The following KATNAL1 variants were observed in gnomAD, a reference collection of about 807,000 sequenced individuals.
KATNAL1 encodes katanin catalytic subunit A1 like 1.
A neutral mutation model predicts 55.2 loss-of-function variants in KATNAL1; 32 were observed. The ratio of observed to expected loss-of-function variants is 0.58; its 90% CI spans 0.44 to 0.78. The LOEUF (loss-of-function observed/expected upper bound fraction) is 0.78, where lower values mean the gene tolerates loss of function less well. Among genes scored for constraint, KATNAL1 ranks in the 30% least tolerant of loss-of-function variants. The pLI, the probability that KATNAL1 is intolerant of heterozygous loss-of-function variation, is 0.00. For missense variants in KATNAL1, 466 were observed against 600.9 expected (o/e 0.78, Z 2.35); for synonymous variants, 193 against 193.6 (o/e 1.00, Z 0.02).
chr13:30,234,731 A>C (rs1485486880), intron 6 of KATNAL1, among the ~76,000 whole-genome samples: 1 of 152,124 alleles, frequency 6.6e-6, no homozygotes, highest in Non-Finnish European at 1.5e-5. Context: ...ACTGAAACAC[A>C]TTTTGTTTCT....
intron 6 of KATNAL1, among the ~76,000 whole-genome samples, chr13:30,232,324 T>C (rs1363115416): frequency 6.6e-6 from 1 of 152,206 alleles, no homozygotes; most frequent in African/African-American, 2.4e-5. Flanking sequence ...ATTGCTACTT[T>C]GGTTTGACAA....
intron 9 of KATNAL1, among the ~76,000 whole-genome samples, chr13:30,220,886 G>C (rs1248116974): frequency 6.6e-6 from 1 of 151,344 alleles, no homozygotes; most frequent in Non-Finnish European, 1.5e-5. Context: ...GTTTAATAGA[G>C]ACAGGGTTTC....
In KATNAL1 at chr13:30,209,839, T is replaced by C. The variant is rs573724378; in HGVS notation, c.1274+477A>G. On this transcript the variant is annotated intron_variant, in intron 10 of 10. Transcript: ENST00000380615. ...CTCTGTTGCCCAGGTTGGAGTGCAG[T>C]GGCGCGATCTCGGCTCACTGCAAGC... 3.9e-5 allele frequency among the ~76,000 whole-genome samples: 6 copies of C among 152,312 alleles called. No individual in the cohort carries two copies. In the East Asian group the frequency reaches 5.8e-4, roughly 15 times the overall value.
intron 3 of KATNAL1, among the ~76,000 whole-genome samples, chr13:30,271,383 C>A (rs1224777814): frequency 2.0e-5 from 3 of 152,114 alleles, no homozygotes; most frequent in African/African-American, 4.8e-5. Flanking sequence ...GTTCACAGTT[C>A]AGCAGGCTGT....
At chr13:30,235,368 GA>G (rs1876546612) in intron 6 of KATNAL1, among the ~76,000 whole-genome samples, 1 of 152,128 alleles carries the variant, frequency 6.6e-6, no homozygotes, top group Admixed American at 6.6e-5. Flanking sequence ...AGAGAAAGGG[GA>G]AACAGCCAGT....
In KATNAL1 at chr13:30,240,942, A is replaced by C. The variant is rs1877211891; in HGVS notation, c.620+17T>G. 1 of 1,602,154 alleles carries C rather than the reference A, an allele frequency of 6.2e-7. No individual in the cohort carries two copies. The highest frequency in any genetic ancestry group is 1.8e-5 in the Admixed American group (1 of 56,038). ...TGTTCTCCTCTACTTTAATTCAATA[A>C]TTTGAAAGACTCTAACCAATGAATG... On this transcript the variant is annotated intron_variant, in intron 5 of 10. Coordinates refer to ENST00000380615, the MANE Select transcript of KATNAL1 (RefSeq NM_032116.5).
chr13:30,266,012 CAAAA>C (rs776557665), intron 3 of KATNAL1, among the ~76,000 whole-genome samples: 5 of 35,382 alleles, frequency 1.4e-4, no homozygotes, highest in African/African-American at 2.3e-4. Context: ...AACTCCATCT[CAAAA>C]AAAAAAAAAA....
chr13:30,234,567 AT>A, intron 6 of KATNAL1, among the ~76,000 whole-genome samples: 1 of 152,090 alleles, frequency 6.6e-6, no homozygotes, highest in South Asian at 2.1e-4. Flanking sequence ...TGCCCTTTAT[AT>A]TCCCAAAGCA....
chr13:30,277,103 C>G (rs1458165664), intron 3 of KATNAL1, among the ~76,000 whole-genome samples: 2 of 152,128 alleles, frequency 1.3e-5, no homozygotes, highest in Non-Finnish European at 2.9e-5. Flanking sequence ...ATTTAAAAAG[C>G]CATATCCTCT....
At chr13:30,272,005 A>G (rs188398153) in intron 3 of KATNAL1, among the ~76,000 whole-genome samples, 37 of 152,244 alleles carry the variant, frequency 2.4e-4, no homozygotes, top group African/African-American at 8.4e-4. Flanking sequence ...GTAAGTCCAG[A>G]GAAGAGGCAT....
At chr13:30,243,733 T>C (rs1334789440) in intron 4 of KATNAL1, among the ~76,000 whole-genome samples, 1 of 151,796 alleles carries the variant, frequency 6.6e-6, no homozygotes, top group Non-Finnish European at 1.5e-5. Flanking sequence ...CATTAGGTAG[T>C]AAGCTACCAC....
At chr13:30,274,874 G>GGT (rs1372452720) in intron 3 of KATNAL1, among the ~76,000 whole-genome samples, 32 of 146,094 alleles carry the variant, frequency 2.2e-4, no homozygotes, top group African/African-American at 7.8e-4. Flanking sequence ...TTGGGGGCGG[G>GGT]GTGTGTGCAC....
chr13:30,249,028 C>T (rs1317678212), intron 4 of KATNAL1, among the ~76,000 whole-genome samples: 1 of 149,104 alleles, frequency 6.7e-6, no homozygotes, highest in Non-Finnish European at 1.5e-5. Context: ...CACTGCACTC[C>T]AGCCTGGGCA....
intron 3 of KATNAL1, among the ~76,000 whole-genome samples, chr13:30,274,838 GGA>G (rs2137515386): frequency 6.7e-6 from 1 of 148,682 alleles, no homozygotes; most frequent in Admixed American, 6.8e-5. Context: ...ACAGATGAAT[GGA>G]TAAAGAAAAT....
At chr13:30,234,716 T>G (rs1876479841) in intron 6 of KATNAL1, among the ~76,000 whole-genome samples, 1 of 152,152 alleles carries the variant, frequency 6.6e-6, no homozygotes, top group Non-Finnish European at 1.5e-5. Flanking sequence ...AGCTGCTGAG[T>G]ATTTACTGAA....
chr13:30,211,977 T>A (rs61946917), intron 9 of KATNAL1, among the ~76,000 whole-genome samples: 22,680 of 152,128 alleles, frequency 0.15, 1,873 homozygotes, highest in Non-Finnish European at 0.18. Context: ...GGAAGGAGTG[T>A]CTTTTCAATT....
intron 2 of KATNAL1, among the ~76,000 whole-genome samples, chr13:30,280,560 G>T (rs1430592017): frequency 6.6e-6 from 1 of 152,028 alleles, no homozygotes; most frequent in Non-Finnish European, 1.5e-5. Flanking sequence ...CTAAAATATT[G>T]TGCTAAATAC....
At chr13:30,276,343 A>C (rs1171284133) in intron 3 of KATNAL1, among the ~76,000 whole-genome samples, 2 of 152,220 alleles carry the variant, frequency 1.3e-5, no homozygotes, top group Admixed American at 6.5e-5. Context: ...CACAGTACAC[A>C]GATTACCTTG....
chr13:30,294,095 A>G (rs1367793374), intron 1 of KATNAL1, among the ~76,000 whole-genome samples: 1 of 152,180 alleles, frequency 6.6e-6, no homozygotes, highest in Admixed American at 6.5e-5. Flanking sequence ...TCCCGGAGAC[A>G]CAATACTGAA....
Sources: gnomAD v4.1 joint callset for allele counts (sites outside exome capture counted in the v4.1 genomes callset) on GRCh38, gnomAD v4.1.1 for gene constraint, MANE v1.5 for transcripts, NCBI Gene and HGNC (gene_info 2026-07-23, HGNC 2026-07-21) for gene names.